Variants in CHRNA7 observed in about 807,000 individuals in gnomAD.
The protein encoded by CHRNA7 is cholinergic receptor nicotinic alpha 7 subunit, also known as neuronal acetylcholine receptor subunit alpha-7.
A neutral mutation model predicts 48.0 loss-of-function variants in CHRNA7; 17 were observed. The ratio of observed to expected loss-of-function variants is 0.35; its 90% CI spans 0.24 to 0.53. The LOEUF is 0.53. Ranked by LOEUF, CHRNA7 falls within the 20% of genes least tolerant of loss-of-function variation. CHRNA7 has a pLI of 0.92. For missense variants in CHRNA7, 155 were observed against 577.7 expected (o/e 0.27, Z 7.50); for synonymous variants, 75 against 242.3 (o/e 0.31, Z 6.41).
intron 4 of CHRNA7, among the ~76,000 whole-genome samples, chr15:32,136,993 C>T (rs1348678639): frequency 7.7e-6 from 1 of 129,600 alleles, no homozygotes; most frequent in African/African-American, 3.1e-5. Context: ...GATCCCGCCA[C>T]TGCACTCCAG....
intron 2 of CHRNA7, among the ~76,000 whole-genome samples, chr15:32,032,306 T>C (rs1220488831): frequency 2.0e-5 from 3 of 152,110 alleles, no homozygotes; most frequent in Admixed American, 6.5e-5. Context: ...AGTTGCTGTT[T>C]ATGGAGCAGT....
At chr15:32,112,393 C>T (rs1244948769) in intron 4 of CHRNA7, 4 of 456,580 alleles carry the variant, frequency 8.8e-6, no homozygotes, top group South Asian at 3.1e-5. Context: ...TCTCTAGCTG[C>T]ATGCAGAAAC....
At chr15:32,038,900 T>G (rs1271761782) in intron 2 of CHRNA7, among the ~76,000 whole-genome samples, 1 of 152,192 alleles carries the variant, frequency 6.6e-6, no homozygotes, top group Non-Finnish European at 1.5e-5. Flanking sequence ...GCCTGTTGCT[T>G]TCTGTTTTGG....
At chr15:32,041,636 CAT>C (rs1313387321) in intron 2 of CHRNA7, among the ~76,000 whole-genome samples, 6 of 152,212 alleles carry the variant, frequency 3.9e-5, no homozygotes, top group African/African-American at 1.4e-4. Flanking sequence ...TCCCATCACA[CAT>C]ATGTTACACC....
intron 2 of CHRNA7, among the ~76,000 whole-genome samples, chr15:32,049,988 G>T (rs1431305324): frequency 6.6e-6 from 1 of 152,180 alleles, no homozygotes; most frequent in Non-Finnish European, 1.5e-5. Flanking sequence ...CTCTCTTCTG[G>T]CTTGTAGAGT....
At chr15:32,125,669 C>T (rs4779568) in intron 4 of CHRNA7, among the ~76,000 whole-genome samples, 1 of 152,136 alleles carries the variant, frequency 6.6e-6, no homozygotes, top group Admixed American at 6.5e-5. Context: ...TCTTCTGATT[C>T]GATGTTCCAA....
chr15:32,070,930 G>C (rs1384239997), intron 2 of CHRNA7, among the ~76,000 whole-genome samples: 1 of 151,672 alleles, frequency 6.6e-6, no homozygotes, highest in African/African-American at 2.4e-5. Flanking sequence ...TTCATGATCC[G>C]CCCATCTCAG....
intron 2 of CHRNA7, 23 bp downstream of exon 2, chr15:32,031,060 GCTGCC>G: frequency 6.2e-7 from 1 of 1,613,420 alleles, no homozygotes; most frequent in Non-Finnish European, 8.5e-7. Flanking sequence ...TGGCTACAGG[GCTGCC>G]CTCTCCCCTT....
chr15:32,105,817 C>A (rs952596491), intron 3 of CHRNA7, among the ~76,000 whole-genome samples: 2 of 152,156 alleles, frequency 1.3e-5, no homozygotes, highest in African/African-American at 4.8e-5. Flanking sequence ...ATCTGGAAAG[C>A]GGCACCTGTA....
chr15:32,030,492 G>A (rs1272596703), upstream of CHRNA7: 2 of 1,210,230 alleles, frequency 1.7e-6, no homozygotes, highest in African/African-American at 1.6e-5. Context: ...CTCCTTAAAG[G>A]CGCGCGAGCC....
At chr15:32,036,289 A>G (rs151192695) in intron 2 of CHRNA7, among the ~76,000 whole-genome samples, 1 of 152,338 alleles carries the variant, frequency 6.6e-6, no homozygotes, top group African/African-American at 2.4e-5. Context: ...ACTGAATAAT[A>G]TGCCAGTGGT....
At chr15:32,054,871 G>A (rs191352162) in intron 2 of CHRNA7, among the ~76,000 whole-genome samples, 1 of 152,268 alleles carries the variant, frequency 6.6e-6, no homozygotes, top group Admixed American at 6.5e-5. Context: ...GTCTTCTGAC[G>A]GACAGGAGTA....
intron 4 of CHRNA7, among the ~76,000 whole-genome samples, chr15:32,137,222 C>T (rs1427015523): frequency 1.3e-5 from 2 of 151,558 alleles, no homozygotes; most frequent in African/African-American, 4.9e-5. Context: ...GCATTTAAAT[C>T]GAACGATAGA....
chr15:32,151,705 T>C (rs2051633643), intron 4 of CHRNA7, among the ~76,000 whole-genome samples: 1 of 152,238 alleles, frequency 6.6e-6, no homozygotes, highest in Non-Finnish European at 1.5e-5. Flanking sequence ...TTTTTCTCTC[T>C]TTTTTCTAAT....
chr15:32,044,288 T>TTCCTTCCTTCCTTCCTTCG (rs1566798035), intron 2 of CHRNA7, among the ~76,000 whole-genome samples: 2 of 19,514 alleles, frequency 1.0e-4, no homozygotes, highest in African/African-American at 2.6e-4. Context: ...TCCTTCCTTC[T>TTCCTTCCTTCCTTCCTTCG]TTTTTTGGGG....
At chr15:32,045,833 A>C (rs2049533398) in intron 2 of CHRNA7, among the ~76,000 whole-genome samples, 2 of 85,632 alleles carry the variant, frequency 2.3e-5, no homozygotes, top group East Asian at 3.9e-4. Context: ...CCCACCCCAC[A>C]ACAGTCCCCA....
At chr15:32,145,194 G>T (rs550496732) in intron 4 of CHRNA7, among the ~76,000 whole-genome samples, 27 of 152,288 alleles carry the variant, frequency 1.8e-4, no homozygotes, top group Middle Eastern at 3.4e-3. Flanking sequence ...GTCTGTTGGA[G>T]TTTGCTGGAG....
intron 2 of CHRNA7, among the ~76,000 whole-genome samples, chr15:32,087,461 A>G (rs908659040): frequency 1.4e-4 from 22 of 152,160 alleles, no homozygotes; most frequent in African/African-American, 5.3e-4. Flanking sequence ...ATTAGAAAGC[A>G]AGGTTTGGGT....
At chr15:32,073,932 T>C (rs186160005) in intron 2 of CHRNA7, among the ~76,000 whole-genome samples, 1 of 152,270 alleles carries the variant, frequency 6.6e-6, no homozygotes, top group East Asian at 1.9e-4. Context: ...TATTCCTTTT[T>C]ACCAATGCAA....
Sources: allele counts gnomAD v4.1 joint callset (sites outside exome capture counted in the v4.1 genomes callset), GRCh38; gene constraint gnomAD v4.1.1; transcripts MANE v1.5; gene names NCBI Gene and HGNC (gene_info 2026-07-23, HGNC 2026-07-21).